GUCY2C: variants seen among roughly 807,000 people sequenced by gnomAD.
GUCY2C encodes the protein guanylyl cyclase C.
In GUCY2C, 118 loss-of-function variants were observed where a neutral mutation model predicts 131.1. That is an observed-to-expected ratio of 0.90 (90% CI 0.78 to 1.05). The LOEUF (loss-of-function observed/expected upper bound fraction) is 1.05, where lower values mean the gene tolerates loss of function less well. Among genes scored for constraint, GUCY2C ranks in the 50% least tolerant of loss-of-function variants. GUCY2C has a pLI of 0.00. For missense variants in GUCY2C, 1,161 were observed against 1,304.4 expected, an observed-to-expected ratio of 0.89 and a Z score of 1.69; for synonymous variants, 452 against 457.8, an observed-to-expected ratio of 0.99 and a Z score of 0.16.
chr12:14,640,462 CAA>C (rs3083859), intron 18 of GUCY2C, among the ~76,000 whole-genome samples: 92,052 of 114,416 alleles, frequency 0.8, 38,939 homozygotes, highest in East Asian at 0.96. Flanking sequence ...GACACTGTCT[CAA>C]AAAAAAAAAA....
intron 6 of GUCY2C, among the ~76,000 whole-genome samples, chr12:14,677,850 G>T: frequency 6.6e-6 from 1 of 151,990 alleles, no homozygotes; most frequent in East Asian, 1.9e-4. Context: ...AAAGTGCTGG[G>T]ATTACAGGTG....
At chr12:14,645,962 A>T in intron 15 of GUCY2C, among the ~76,000 whole-genome samples, 1 of 151,816 alleles carries the variant, frequency 6.6e-6, no homozygotes, top group South Asian at 2.1e-4. Flanking sequence ...CAGCCTGCTG[A>T]GTAGCTGGGA....
intron 19 of GUCY2C, among the ~76,000 whole-genome samples, chr12:14,630,092 T>C (rs75818409): frequency 0.024 from 3,624 of 150,298 alleles, 87 homozygotes; most frequent in African/African-American, 0.063. Flanking sequence ...ACCACCTGTT[T>C]GCAGCTTTTT....
chr12:14,625,522 G>A (rs1946994460), intron 21 of GUCY2C, among the ~76,000 whole-genome samples: 2 of 151,654 alleles, frequency 1.3e-5, no homozygotes, highest in Admixed American at 6.6e-5. Context: ...TTTAGTAGAG[G>A]TGGGGTTTCA....
intron 1 of GUCY2C, among the ~76,000 whole-genome samples, chr12:14,694,057 A>G (rs894986732): frequency 6.6e-6 from 1 of 152,232 alleles, no homozygotes; most frequent in African/African-American, 2.4e-5. Flanking sequence ...GAGGTACTTT[A>G]TATGAGTTTT....
intron 15 of GUCY2C, among the ~76,000 whole-genome samples, chr12:14,648,501 C>T (rs1475384250): frequency 2.0e-5 from 3 of 152,196 alleles, no homozygotes; most frequent in African/African-American, 7.2e-5. Flanking sequence ...TATACAAGGA[C>T]ATCTGCCCAA....
intron 1 of GUCY2C, among the ~76,000 whole-genome samples, chr12:14,694,807 C>G (rs1039370318): frequency 2.0e-5 from 3 of 152,102 alleles, no homozygotes; most frequent in African/African-American, 7.2e-5. Flanking sequence ...CTTAAAACCA[C>G]AAATAACCAT....
At position 14,683,084 on chromosome 12, in the gene GUCY2C, G is replaced by A. The variant is rs769797661; in HGVS notation, c.569C>T (p.Ser190Leu). 9.9e-6 allele frequency: 16 copies of A among 1,613,368 alleles called. No homozygotes were observed. Among genetic ancestry groups the A allele is most frequent in the African/African-American group, 5.3e-5 (4 of 74,896 alleles). Reference sequence around the variant, plus strand: ...TTCTGTACCATTCTTGTAAACATACGAAGTGCTCCAGGAATAAGTTTTGAA... The same window carrying A: ...TTCTGTACCATTCTTGTAAACATACAAAGTGCTCCAGGAATAAGTTTTGAA... Reference protein sequence around the residue: ...LPFKTYSWSTSYVYKNGTETE... With the variant: ...LPFKTYSWSTLYVYKNGTETE... The change falls in exon 4 of 27, where the codon TCG becomes TTG. Residue 190 changes from serine to leucine, a missense_variant. Ser to Leu is a moderately radical substitution (Grantham distance 145). Transcript: ENST00000261170.
At chr12:14,616,792 T>C in intron 24 of GUCY2C, 65 bp from the exon 25 acceptor site, 1 of 881,854 alleles carries the variant, frequency 1.1e-6, no homozygotes, top group Non-Finnish European at 1.9e-6. Context: ...TCCCGTTGAT[T>C]CAGGATATCA....
At chr12:14,614,220 G>C (rs73312004) in intron 26 of GUCY2C, among the ~76,000 whole-genome samples, 1 of 152,064 alleles carries the variant, frequency 6.6e-6, no homozygotes, top group Non-Finnish European at 1.5e-5. Context: ...TTATTGCAGG[G>C]CAATATAGTC....
chr12:14,632,556 T>C (rs367940313), intron 19 of GUCY2C, among the ~76,000 whole-genome samples: 10 of 152,198 alleles, frequency 6.6e-5, no homozygotes, highest in African/African-American at 2.4e-4. Flanking sequence ...TGAGTGGAAG[T>C]ACATTTCTCT....
chr12:14,627,113 C>T lies in GUCY2C; in HGVS notation c.2250-1198G>A, dbSNP rs113931230. ...TGGTGCAGAGGTCAGGGAGGAGACA[C>T]ATTGAGTTCTCCTAGCATTGTGAGG... is the stretch of plus-strand genomic sequence containing the variant. On this transcript the variant is annotated intron_variant, in intron 20 of 26. Coordinates refer to ENST00000261170, the MANE Select transcript of GUCY2C (RefSeq NM_004963.4). 4.8e-3 allele frequency among the ~76,000 whole-genome samples: 724 copies of T among 152,244 alleles called. 7 individuals are homozygous for T. Among genetic ancestry groups the T allele is most frequent in the African/African-American group, 0.017 (687 of 41,536 alleles).
At chr12:14,685,786 G>A (rs1015082367) in intron 3 of GUCY2C, among the ~76,000 whole-genome samples, 2 of 152,042 alleles carry the variant, frequency 1.3e-5, no homozygotes, top group African/African-American at 4.8e-5. Flanking sequence ...AACCCTACTA[G>A]TACCCTGGGG....
At chr12:14,618,886 A>AT (rs913369991) in intron 24 of GUCY2C, among the ~76,000 whole-genome samples, 53 of 151,750 alleles carry the variant, frequency 3.5e-4, no homozygotes, top group African/African-American at 8.9e-4. Context: ...TTGCCTACTG[A>AT]TTTTTTTTTA....
intron 9 of GUCY2C, among the ~76,000 whole-genome samples, chr12:14,670,853 G>T (rs1443134282): frequency 6.6e-6 from 1 of 150,500 alleles, no homozygotes. Context: ...AGAAAAGGAG[G>T]TTTAATTTGA....
At chr12:14,655,503 T>C (rs923587443) in intron 12 of GUCY2C, among the ~76,000 whole-genome samples, 8 of 152,040 alleles carry the variant, frequency 5.3e-5, no homozygotes, top group African/African-American at 1.9e-4. Flanking sequence ...ACACAGGACT[T>C]GGGGAGGAGG....
intron 10 of GUCY2C, among the ~76,000 whole-genome samples, chr12:14,665,219 A>T (rs749426383): frequency 2.5e-5 from 3 of 119,042 alleles, no homozygotes; most frequent in African/African-American, 1.3e-4. Context: ...CCGTCTCAGG[A>T]AAAAAAAAAA....
At chr12:14,683,401 A>G (rs1419431417) in intron 3 of GUCY2C, 144 bp from the exon 4 acceptor site, 3 of 616,964 alleles carry the variant, frequency 4.9e-6, no homozygotes, top group African/African-American at 3.7e-5. Context: ...TCATGTATAT[A>G]GGTGTCTTTC....
chr12:14,685,773 C>G (rs1948456039), intron 3 of GUCY2C, among the ~76,000 whole-genome samples: 1 of 152,144 alleles, frequency 6.6e-6, no homozygotes, highest in East Asian at 1.9e-4. Flanking sequence ...CAGGATAGAA[C>G]AGAACCCTAC....
Sources: allele counts gnomAD v4.1 joint callset (sites outside exome capture counted in the v4.1 genomes callset), GRCh38; gene constraint gnomAD v4.1.1; transcripts MANE v1.5; gene names NCBI Gene and HGNC (gene_info 2026-07-23, HGNC 2026-07-21).